Variants in NDEL1 observed in about 807,000 individuals in gnomAD.
The protein encoded by NDEL1 is nudE neurodevelopment protein 1 like 1.
NDEL1 carries 9 observed loss-of-function variants against 45.7 expected under a neutral mutation model. The ratio of observed to expected loss-of-function variants is 0.20; its 90% CI spans 0.12 to 0.34. The LOEUF (loss-of-function observed/expected upper bound fraction) is 0.34. Ranked by LOEUF, NDEL1 falls within the 10% of genes least tolerant of loss-of-function variation. NDEL1 has a pLI of 1.00. For missense variants in NDEL1, 306 were observed against 406.2 expected, an observed-to-expected ratio of 0.75 and a Z score of 2.12; for synonymous variants, 133 against 158.6, an observed-to-expected ratio of 0.84 and a Z score of 1.21.
intron 1 of NDEL1, among the ~76,000 whole-genome samples, chr17:8,427,788 T>C (rs554623658): frequency 4.6e-5 from 7 of 152,362 alleles, no homozygotes; most frequent in Non-Finnish European, 8.8e-5. Context: ...TTGAAGGCTC[T>C]GGCATTCTGT....
chr17:8,461,405 T>A (rs1445287734), intron 8 of NDEL1: 3 of 152,188 alleles, frequency 2.0e-5, no homozygotes, highest in South Asian at 2.1e-4. Flanking sequence ...TCTTAAAAAA[T>A]TTGTTTAAAT....
intron 4 of NDEL1, among the ~76,000 whole-genome samples, chr17:8,448,012 A>C (rs1353888717): frequency 1.3e-5 from 2 of 151,902 alleles, no homozygotes; most frequent in African/African-American, 4.8e-5. Flanking sequence ...AACCAATCAG[A>C]GGCTGAAGTG....
intron 1 of NDEL1, among the ~76,000 whole-genome samples, chr17:8,413,969 T>C (rs1185443636): frequency 6.6e-6 from 1 of 152,266 alleles, no homozygotes; most frequent in Non-Finnish European, 1.5e-5. Flanking sequence ...TGCATAATTC[T>C]ATCTCTAAAG....
chr17:8,466,823 G>A (rs1042288152), intron 8 of NDEL1, 107 bp from the exon 9 acceptor site: 4 of 1,136,904 alleles, frequency 3.5e-6, no homozygotes, highest in South Asian at 2.8e-5. Flanking sequence ...TACAGCCTGC[G>A]AGGAATAGTT....
intron 1 of NDEL1, among the ~76,000 whole-genome samples, chr17:8,424,377 G>A (rs1178485705): frequency 6.6e-6 from 1 of 152,216 alleles, no homozygotes; most frequent in African/African-American, 2.4e-5. Flanking sequence ...GCTAAACAAT[G>A]CTTTGATGAA....
At chr17:8,460,896 C>A (rs1462996837) in intron 8 of NDEL1, among the ~76,000 whole-genome samples, 2 of 152,164 alleles carry the variant, frequency 1.3e-5, no homozygotes, top group African/African-American at 4.8e-5. Context: ...TTGCCATTAT[C>A]TTTCCATGTC....
rs916336357 is a variant in NDEL1 at position 8,465,381 on chromosome 17, G to A, written c.945-1549G>A. 3 of 152,224 alleles carry A rather than the reference G, an allele frequency of 2.0e-5. No individual in the cohort carries two copies. Among genetic ancestry groups the A allele is most frequent in the East Asian group, 3.9e-4 (2 of 5,190 alleles). 9.4% of individuals were successfully genotyped at this position (152,224 alleles called of 1,614,324 possible). ...AGAGACAATCTGGCTGTTTGTCGTC[G>A]AAGTAGGACAGTGTGCAACAGGGAG... is the stretch of plus-strand genomic sequence containing the variant. On this transcript the variant is annotated intron_variant, in intron 8 of 8. Coordinates refer to ENST00000334527, the MANE Select transcript of NDEL1 (RefSeq NM_030808.5). This position sits in a 1 kb window ranked among gnomAD's most constrained non-coding sequence, Gnocchi z 4.9.
At position 8,463,288 on chromosome 17, in the gene NDEL1, A is replaced by G. The variant is rs116897771; in HGVS notation, c.944+3128A>G. 4.8e-5 allele frequency: 76 copies of G among 1,577,938 alleles called. No individual in the cohort carries two copies. In the East Asian group the frequency reaches 1.7e-3, roughly 35 times the overall value. On this transcript the variant is annotated intron_variant, in intron 8 of 8. Transcript: ENST00000334527. ...GTGATGTGGAAATAGTATTCGTATTACTGTTTAATATGTTCTCCTTTCTTT... is the reference window on the plus strand; with the variant it reads ...GTGATGTGGAAATAGTATTCGTATTGCTGTTTAATATGTTCTCCTTTCTTT...
chr17:8,434,797 C>T (rs970504710), upstream of NDEL1, among the ~76,000 whole-genome samples: 1 of 151,982 alleles, frequency 6.6e-6, no homozygotes, highest in African/African-American at 2.4e-5. Flanking sequence ...TGGGGCCGGG[C>T]GCTGTGTCTC....
chr17:8,470,849 G>A (rs1024766774), downstream of NDEL1, among the ~76,000 whole-genome samples: 26 of 152,342 alleles, frequency 1.7e-4, no homozygotes, highest in African/African-American at 6.0e-4. This position sits in a 1 kb window ranked among gnomAD's most constrained non-coding sequence, Gnocchi z 4.2. Context: ...GGTTCACGTA[G>A]CCTTCCTCCT....
Position 8,420,275 on chromosome 17 carries a change from C to T in NDEL1, c.-13+7006C>T, listed in dbSNP as rs118066074. On this transcript the variant is annotated intron_variant, in intron 1 of 4. Coordinates refer to the NDEL1 transcript ENST00000582812. ...TGAATGAGTGTTTGTAAAGCACTTA[C>T]GAGAGTTAAGTTCTCTGAGCCTGCT... 4.9e-3 allele frequency among the ~76,000 whole-genome samples: 753 copies of T among 152,290 alleles called. 24 individuals are homozygous for T. In the South Asian group the frequency reaches 0.071, roughly 14 times the overall value.
chr17:8,446,664 G>T, intron 3 of NDEL1, 90 bp from the exon 4 acceptor site: 1 of 1,129,702 alleles, frequency 8.9e-7, no homozygotes, highest in Non-Finnish European at 1.2e-6. Flanking sequence ...AATTCCTTGG[G>T]TTCCCCCCCA....
chr17:8,435,957 G>T lies in NDEL1; in HGVS notation c.-101G>T, dbSNP rs1177288539. Reference sequence around the variant, plus strand: ...GAGCTCGGGGCTGCGTAGGGGAGCTGAGCCGAGCGGCTGGGCGGGCCTGGC... The same window carrying T: ...GAGCTCGGGGCTGCGTAGGGGAGCTTAGCCGAGCGGCTGGGCGGGCCTGGC... On this transcript the variant is annotated 5_prime_UTR_variant, in exon 1 of 9. Transcript: ENST00000334527. 2.2e-6 allele frequency: 1 copy of T among 448,786 alleles called. No homozygotes were observed. Among genetic ancestry groups the T allele is most frequent in the Admixed American group, 2.4e-5 (1 of 41,896 alleles). 27.8% of individuals were successfully genotyped at this position (448,786 alleles called of 1,614,324 possible). A position where few individuals can be genotyped will look rare whatever the true frequency, so the allele number is the denominator to read the frequency against.
At chr17:8,452,293 T>A (rs1219486478) in intron 6 of NDEL1, among the ~76,000 whole-genome samples, 1 of 152,172 alleles carries the variant, frequency 6.6e-6, no homozygotes, top group Non-Finnish European at 1.5e-5. Context: ...TGAAGACGAA[T>A]CAGAATAGTG....
intron 6 of NDEL1, among the ~76,000 whole-genome samples, chr17:8,453,965 A>G (rs1408182812): frequency 6.6e-6 from 1 of 152,204 alleles, no homozygotes; most frequent in Non-Finnish European, 1.5e-5. Context: ...GCTATTTCAG[A>G]TGAGATGAGT....
chr17:8,418,176 CT>C (rs1908599299), intron 1 of NDEL1, among the ~76,000 whole-genome samples: 2 of 152,298 alleles, frequency 1.3e-5, no homozygotes, highest in Middle Eastern at 3.4e-3. Flanking sequence ...CCCTTGTCCA[CT>C]GTTGTTTCCT....
Position 8,445,769 on chromosome 17 carries a change from G to A in NDEL1, c.145G>A (p.Ala49Thr), listed in dbSNP as rs1264731593. ...CCAGGAAGGAAGCAGAGAATTAGAA[G>A]CAGAGTTGGAGGCACAATTAGTACA... The part of the protein sequence containing the change: ...EFQEGSRELE[A>T]ELEAQLVQAE... The change falls in exon 3 of 9, where the codon GCA becomes ACA. Residue 49 changes from alanine (A) to threonine (T), a missense_variant. Coordinates refer to ENST00000334527, the MANE Select transcript of NDEL1 (RefSeq NM_030808.5). The A allele has an allele frequency of 6.2e-7, 1 of 1,602,156 alleles. No homozygotes were observed. Among genetic ancestry groups the A allele is most frequent in the East Asian group, 2.3e-5 (1 of 43,990 alleles).
At chr17:8,440,632 A>T (rs536241876) in intron 1 of NDEL1, among the ~76,000 whole-genome samples, 1 of 152,246 alleles carries the variant, frequency 6.6e-6, no homozygotes, top group Admixed American at 6.5e-5. Context: ...ATTCTCAAAA[A>T]GTTTCATGCA....
intron 8 of NDEL1, chr17:8,466,689 G>C: frequency 1.9e-6 from 1 of 539,558 alleles, no homozygotes; most frequent in Non-Finnish European, 3.3e-6. Flanking sequence ...TGGCTTCCGT[G>C]GCCAGTGTGC....
Sources: allele counts gnomAD v4.1 joint callset (sites outside exome capture counted in the v4.1 genomes callset), GRCh38; gene constraint gnomAD v4.1.1; non-coding constraint Gnocchi (gnomAD v3.1); transcripts MANE v1.5; gene names NCBI Gene and HGNC (gene_info 2026-07-23, HGNC 2026-07-21).